The following LPP variants were observed in gnomAD, a reference collection of about 807,000 sequenced individuals.
The protein encoded by LPP is lipoma-preferred partner.
LPP carries 38 observed loss-of-function variants against 60.4 expected under a neutral mutation model. The ratio of observed to expected loss-of-function variants is 0.63; its 90% CI spans 0.49 to 0.83. The LOEUF (loss-of-function observed/expected upper bound fraction) is 0.83, where lower values mean the gene tolerates loss of function less well. Ranked by LOEUF, LPP falls within the 40% of genes least tolerant of loss-of-function variation. The pLI, the probability that LPP is intolerant of heterozygous loss-of-function variation, is 0.00. For synonymous variants in LPP, 328 were observed against 290.8 expected, an observed-to-expected ratio of 1.13 and a Z score of -1.30; for missense variants, 902 against 783.6, an observed-to-expected ratio of 1.15 and a Z score of -1.80.
intron 9 of LPP, among the ~76,000 whole-genome samples, chr3:188,818,277 A>G (rs73888917): frequency 0.015 from 2,303 of 152,302 alleles, 64 homozygotes; most frequent in African/African-American, 0.051. Context: ...TGTGAATAAT[A>G]ACATATAATA....
chr3:188,240,151 T>C (rs2149440667), intron 2 of LPP: 1 of 188,176 alleles, frequency 5.3e-6, no homozygotes, highest in Middle Eastern at 2.0e-3. Context: ...CTTCAGAGGA[T>C]CTCATCTCAA....
At chr3:188,679,736 T>C (rs1859049763) in intron 7 of LPP, among the ~76,000 whole-genome samples, 1 of 152,184 alleles carries the variant, frequency 6.6e-6, no homozygotes, top group African/African-American at 2.4e-5. Context: ...TTTAAGATTT[T>C]GGATAAAAAC....
chr3:188,472,035 C>T (rs1163695013), intron 4 of LPP, among the ~76,000 whole-genome samples: 1 of 152,186 alleles, frequency 6.6e-6, no homozygotes, highest in Admixed American at 6.5e-5. Context: ...GAGACTAATT[C>T]ACCATCTTGT....
intron 2 of LPP, among the ~76,000 whole-genome samples, chr3:188,307,298 T>C (rs1230399611): frequency 1.3e-5 from 2 of 152,200 alleles, no homozygotes; most frequent in Admixed American, 1.3e-4. Context: ...ATCTCAGTCC[T>C]GGTGGTATGT....
intron 7 of LPP, among the ~76,000 whole-genome samples, chr3:188,661,993 A>G (rs1219829278): frequency 6.6e-6 from 1 of 152,278 alleles, no homozygotes; most frequent in African/African-American, 2.4e-5. Flanking sequence ...ACTTGCACAA[A>G]CATGAACATT....
chr3:188,535,824 C>A, intron 6 of LPP, among the ~76,000 whole-genome samples: 1 of 151,958 alleles, frequency 6.6e-6, no homozygotes, highest in South Asian at 2.1e-4. Context: ...CTATATTCTC[C>A]ACAGAACTGA....
chr3:188,837,992 A>G (rs746680704), intron 9 of LPP, among the ~76,000 whole-genome samples: 48 of 152,154 alleles, frequency 3.2e-4, no homozygotes, highest in Non-Finnish European at 5.6e-4. Flanking sequence ...AGATTGCTCT[A>G]TGCAAACTCA....
chr3:188,177,005 A>G (rs1723230626), intron 1 of LPP, among the ~76,000 whole-genome samples: 1 of 152,366 alleles, frequency 6.6e-6, no homozygotes, highest in Non-Finnish European at 1.5e-5. Flanking sequence ...AAGCAACAGG[A>G]AAGCAGTAAT....
At chr3:188,542,521 C>A (rs1825488282) in intron 6 of LPP, among the ~76,000 whole-genome samples, 1 of 152,098 alleles carries the variant, frequency 6.6e-6, no homozygotes, top group Non-Finnish European at 1.5e-5. Flanking sequence ...TAGTCTCTTG[C>A]TTTTTAAAGT....
intron 1 of LPP, among the ~76,000 whole-genome samples, chr3:188,187,093 T>C (rs1485434537): frequency 6.6e-6 from 1 of 152,186 alleles, no homozygotes; most frequent in Non-Finnish European, 1.5e-5. Context: ...GTCAATAATG[T>C]TTTAGGTTAC....
chr3:188,422,408 T>A (rs1173914167), intron 4 of LPP, among the ~76,000 whole-genome samples: 5 of 152,150 alleles, frequency 3.3e-5, no homozygotes, highest in African/African-American at 1.2e-4. Context: ...ATGCCTGCCT[T>A]TTGCTTTTAT....
At chr3:188,467,568 C>T (rs1320250751) in intron 4 of LPP, among the ~76,000 whole-genome samples, 2 of 152,018 alleles carry the variant, frequency 1.3e-5, no homozygotes, top group African/African-American at 4.8e-5. Flanking sequence ...TAATGATGCA[C>T]ATGGAACTAA....
intron 8 of LPP, among the ~76,000 whole-genome samples, chr3:188,727,601 C>T (rs1467374621): frequency 6.6e-6 from 1 of 152,094 alleles, no homozygotes; most frequent in Non-Finnish European, 1.5e-5. Flanking sequence ...AGAACCCTAA[C>T]CTTGAAAGAC....
Position 188,178,989 on chromosome 3 carries a change from C to T in LPP, c.-190+24737C>T, listed in dbSNP as rs369608692. Reference sequence around the variant, plus strand: ...GGGAGAGAGAGGGAGAGAGAGAGCACGACAAAGAGAGAGAGAGAGAGTGAG... The same window carrying T: ...GGGAGAGAGAGGGAGAGAGAGAGCATGACAAAGAGAGAGAGAGAGAGTGAG... On this transcript the variant is annotated intron_variant, in intron 1 of 11. Transcript: ENST00000617246. 2.0e-4 allele frequency: 53 copies of T among 261,262 alleles called. 1 individual carries two copies. Among genetic ancestry groups the T allele is most frequent in the African/African-American group, 9.3e-4 (32 of 34,502 alleles). 16.2% of individuals were successfully genotyped at this position (261,262 alleles called of 1,614,324 possible).
chr3:188,867,311 T>C (rs1337526697), intron 10 of LPP, among the ~76,000 whole-genome samples: 2 of 148,160 alleles, frequency 1.3e-5, no homozygotes, highest in Admixed American at 6.8e-5. Flanking sequence ...ATATATTTTA[T>C]ATATAAATAT....
chr3:188,413,950 T>G (rs1266382366), intron 4 of LPP, among the ~76,000 whole-genome samples: 5 of 152,156 alleles, frequency 3.3e-5, no homozygotes, highest in African/African-American at 9.7e-5. Flanking sequence ...AAAATGTTTT[T>G]AAACCATAAA....
chr3:188,830,617 A>C (rs896826390), intron 9 of LPP, among the ~76,000 whole-genome samples: 2 of 152,034 alleles, frequency 1.3e-5, no homozygotes, highest in Non-Finnish European at 2.9e-5. Context: ...AAAACAAAAA[A>C]AAAAATGCTT....
chr3:188,834,324 GTTTTTTTTTT>G lies in LPP; in HGVS notation c.1411-31862_1411-31853del, dbSNP rs71867135. On this transcript the variant is annotated intron_variant, in intron 9 of 11. Coordinates refer to ENST00000617246, the MANE Select transcript of LPP (RefSeq NM_001375462.1). ...AGGATTTTTTTGTTTCTTTTTGGGT[GTTTTTTTTTT>G]TTTTTTTTTTTTTGGTGTGTTTTGT... Among the ~76,000 whole-genome samples, 6 of 34,096 alleles carry G rather than the reference GTTTTTTTTTT, an allele frequency of 1.8e-4. No homozygotes were observed. In the East Asian group the frequency reaches 9.5e-3, roughly 54 times the overall value. 22.4% of individuals were successfully genotyped at this position (34,096 alleles called of 152,430 possible). A position where few individuals can be genotyped will look rare whatever the true frequency, so the allele number is the denominator to read the frequency against.
chr3:188,216,273 CTTTT>C (rs1315000809), intron 1 of LPP, among the ~76,000 whole-genome samples: 6 of 131,136 alleles, frequency 4.6e-5, no homozygotes, highest in Admixed American at 8.1e-5. Context: ...CTTCTTCTTC[CTTTT>C]TTTTTTTTTT....
Sources: gnomAD v4.1 joint callset for allele counts (sites outside exome capture counted in the v4.1 genomes callset) on GRCh38, gnomAD v4.1.1 for gene constraint, MANE v1.5 for transcripts, NCBI Gene and HGNC (gene_info 2026-07-23, HGNC 2026-07-21) for gene names.